ASCC3: variants seen among roughly 807,000 people sequenced by gnomAD.
ASCC3 encodes ASC-1 complex subunit P200.
In ASCC3, 158 loss-of-function variants were observed where a neutral mutation model predicts 256.3. The observed-to-expected ratio is 0.62, with a 90% CI of 0.54 to 0.70. ASCC3 has a LOEUF of 0.70. Among genes scored for constraint, ASCC3 ranks in the 30% least tolerant of loss-of-function variants. The pLI is 0.00. For synonymous variants in ASCC3, 948 were observed against 883.4 expected, an observed-to-expected ratio of 1.07 and a Z score of -1.30; for missense variants, 2,259 against 2,626.0, an observed-to-expected ratio of 0.86 and a Z score of 3.05.
At chr6:100,539,936 G>A (rs977538308) in intron 37 of ASCC3, among the ~76,000 whole-genome samples, 7 of 152,092 alleles carry the variant, frequency 4.6e-5, no homozygotes, top group African/African-American at 1.7e-4. Flanking sequence ...TATCTGGCAC[G>A]TAGTTTGCCT....
At chr6:100,790,328 A>G (rs1769292746) in intron 8 of ASCC3, among the ~76,000 whole-genome samples, 1 of 151,994 alleles carries the variant, frequency 6.6e-6, no homozygotes, top group Admixed American at 6.6e-5. Context: ...AGTCCTACCT[A>G]ACTGGATAGC....
At chr6:100,745,892 C>T (rs1780645720) in intron 10 of ASCC3, among the ~76,000 whole-genome samples, 1 of 151,886 alleles carries the variant, frequency 6.6e-6, no homozygotes, top group Admixed American at 6.6e-5. Flanking sequence ...TAGTCTTTTC[C>T]CATCAATCAG....
At chr6:100,715,796 T>A (rs938542919) in intron 12 of ASCC3, among the ~76,000 whole-genome samples, 3 of 151,790 alleles carry the variant, frequency 2.0e-5, no homozygotes, top group Non-Finnish European at 4.4e-5. Flanking sequence ...AAATACAGTA[T>A]CTTTAAGGAT....
At chr6:100,865,619 C>T (rs1010800563) in intron 2 of ASCC3, among the ~76,000 whole-genome samples, 1 of 152,106 alleles carries the variant, frequency 6.6e-6, no homozygotes, top group African/African-American at 2.4e-5. Context: ...TTCCCGGTAT[C>T]AATCTTTGAG....
chr6:100,625,274 G>A lies in ASCC3; in HGVS notation c.4703C>T (p.Thr1568Ile). ...VLIFVSSRRQ[T>I]RLTALELIAF... is the part of the protein sequence containing the mutation. ...GATCAATTCCAAAGCAGTAAGACGA[G>A]TTTGACGTCTTGATGAGACAAATAT... The change falls in exon 30 of 42, where the codon ACT becomes ATT. Residue 1568 changes from threonine (T) to isoleucine (I), a missense_variant. This residue lies in a region of ASCC3 where 1,839 missense variants were observed against 2,206.7 expected (regional missense o/e 0.83). Coordinates refer to ENST00000369162, the MANE Select transcript of ASCC3 (RefSeq NM_006828.4). The A allele has an allele frequency of 6.2e-7, 1 of 1,612,860 alleles. No individual in the cohort carries two copies. The highest frequency in any genetic ancestry group is 8.5e-7 in the Non-Finnish European group (1 of 1,179,120).
At chr6:100,634,864 C>CAAAAAAAAAAAAAAAAAAA (rs199632200) in intron 25 of ASCC3, among the ~76,000 whole-genome samples, 1 of 119,286 alleles carries the variant, frequency 8.4e-6, no homozygotes, top group African/African-American at 3.5e-5. Context: ...CCTCAAAAAA[C>CAAAAAAAAAAAAAAAAAAA]AAAAAAAAAA....
Position 100,509,636 on chromosome 6 carries a change from C to T in ASCC3, c.6462-103G>A, listed in dbSNP as rs1773655462. 7 of 1,174,536 alleles carry T rather than the reference C, an allele frequency of 6.0e-6. No homozygotes were observed. In the Admixed American group the frequency reaches 7.8e-5, roughly 13 times the overall value. The allele number at this position is 1,174,536 out of a possible 1,614,324, so 72.8% of individuals were successfully genotyped here. A position where few individuals can be genotyped will look rare whatever the true frequency, so the allele number is the denominator to read the frequency against. ...TAGTAGGAGGCTGGGTGCGGTGGCT[C>T]ACGCCTGTAATCCCAGCACTTTGGG... On this transcript the variant is annotated intron_variant, in intron 41 of 41. Transcript: ENST00000369162.
intron 30 of ASCC3, among the ~76,000 whole-genome samples, chr6:100,608,234 T>TTATA (rs1342489338): frequency 3.1e-5 from 1 of 32,102 alleles, no homozygotes; most frequent in African/African-American, 1.2e-4. Flanking sequence ...TTTATATACT[T>TTATA]TATACTTTAT....
intron 3 of ASCC3, among the ~76,000 whole-genome samples, chr6:100,853,894 C>G (rs1772812137): frequency 6.6e-6 from 1 of 152,034 alleles, no homozygotes; most frequent in African/African-American, 2.4e-5. Flanking sequence ...AATACAGGAC[C>G]TTACCTACAA....
intron 4 of ASCC3, among the ~76,000 whole-genome samples, chr6:100,826,448 A>G (rs181083598): frequency 6.2e-4 from 95 of 152,196 alleles, no homozygotes; most frequent in African/African-American, 2.0e-3. Flanking sequence ...ACTTTACATA[A>G]TATTTTTTAA....
At chr6:100,572,213 T>C (rs1440575847) in intron 36 of ASCC3, among the ~76,000 whole-genome samples, 1 of 152,088 alleles carries the variant, frequency 6.6e-6, no homozygotes, top group Non-Finnish European at 1.5e-5. Flanking sequence ...AGAACTCTCA[T>C]GAATGGGATT....
rs1562104130 is a variant in ASCC3 at position 100,540,203 on chromosome 6, TC to T, written c.5734del (p.Asp1912IlefsTer27). The T allele has an allele frequency of 6.2e-7, 1 of 1,614,122 alleles. No individual in the cohort carries two copies. Among genetic ancestry groups the T allele is most frequent in the East Asian group, 2.2e-5 (1 of 44,880 alleles). The part of the protein sequence containing the change: ...AMLPCPDYDT[D>X]TKTVLDQALR... ...AGCTTGGTCCAAGACTGTTTTGGTATCAGTGTCATAATCTGGGCAGGGTAGC... is the reference window on the plus strand; with the variant it reads ...AGCTTGGTCCAAGACTGTTTTGGTATAGTGTCATAATCTGGGCAGGGTAGC... On this transcript the variant is annotated frameshift_variant, in exon 37 of 42. Transcript: ENST00000369162. LOFTEE classifies it high-confidence loss of function.
intron 4 of ASCC3, among the ~76,000 whole-genome samples, chr6:100,826,734 C>T (rs1771331347): frequency 6.6e-6 from 1 of 152,128 alleles, no homozygotes; most frequent in Non-Finnish European, 1.5e-5. Flanking sequence ...AATAAAACTG[C>T]AGGATAAAGA....
intron 36 of ASCC3, among the ~76,000 whole-genome samples, chr6:100,551,805 CT>C (rs928443831): frequency 4.6e-5 from 7 of 151,884 alleles, no homozygotes; most frequent in African/African-American, 1.4e-4. Context: ...CTATTACTTC[CT>C]TTGACAGTTC....
chr6:100,732,263 C>CA (rs1189400344), intron 10 of ASCC3, among the ~76,000 whole-genome samples: 1 of 151,304 alleles, frequency 6.6e-6, no homozygotes, highest in Admixed American at 6.6e-5. Context: ...CAGTTCTCCA[C>CA]AAAAAAGACT....
At chr6:100,843,249 TAC>T (rs1038829050) in intron 4 of ASCC3, among the ~76,000 whole-genome samples, 46 of 152,238 alleles carry the variant, frequency 3.0e-4, no homozygotes, top group African/African-American at 8.2e-4. Context: ...TTCCAAAAAA[TAC>T]ACAGTCTTCC....
At chr6:100,550,675 T>C (rs1486516223) in intron 36 of ASCC3, among the ~76,000 whole-genome samples, 1 of 151,946 alleles carries the variant, frequency 6.6e-6, no homozygotes, top group Non-Finnish European at 1.5e-5. Context: ...GTACTTTTAG[T>C]TGTATTTCCC....
At chr6:100,752,900 T>C (rs1781001680) in intron 10 of ASCC3, among the ~76,000 whole-genome samples, 1 of 152,174 alleles carries the variant, frequency 6.6e-6, no homozygotes, top group Non-Finnish European at 1.5e-5. Context: ...AGTAAATGAT[T>C]TGATAAACCC....
chr6:100,654,316 A>G (rs1298865447), intron 17 of ASCC3, among the ~76,000 whole-genome samples: 1 of 151,766 alleles, frequency 6.6e-6, no homozygotes, highest in African/African-American at 2.4e-5. Flanking sequence ...AAAAAAAAAA[A>G]AGGGTCAAGA....
Sources: gnomAD v4.1 joint callset for allele counts (sites outside exome capture counted in the v4.1 genomes callset) on GRCh38, gnomAD v4.1.1 for gene constraint, gnomAD v4.1.1 regional missense constraint, MANE v1.5 for transcripts, NCBI Gene and HGNC (gene_info 2026-07-23, HGNC 2026-07-21) for gene names.